Variants in MALRD1 observed in about 807,000 individuals in gnomAD.
MALRD1 encodes the protein MAM and LDL receptor class A domain containing 1.
In MALRD1, 247 loss-of-function variants were observed where a neutral mutation model predicts 242.1. That is an observed-to-expected ratio of 1.02 (90% confidence interval 0.92 to 1.13). The LOEUF is 1.13. Ranked by LOEUF, MALRD1 falls within the 50% of genes most tolerant of loss-of-function variation. The probability of loss-of-function intolerance (pLI) is 0.00; values close to 1 mark genes in which losing one functional copy is unlikely to be tolerated. For missense variants in MALRD1, 2,989 were observed against 2,533.1 expected (o/e 1.18, Z -3.86); for synonymous variants, 995 against 866.6 (o/e 1.15, Z -2.60).
At chr10:19,277,570 G>A (rs549902607) in intron 19 of MALRD1, among the ~76,000 whole-genome samples, 1 of 152,078 alleles carries the variant, frequency 6.6e-6, no homozygotes, top group African/African-American at 2.4e-5. Flanking sequence ...ATGAAATCTG[G>A]TCAACTCTCC....
At chr10:19,420,686 G>A (rs985726950) in intron 28 of MALRD1, among the ~76,000 whole-genome samples, 5 of 151,934 alleles carry the variant, frequency 3.3e-5, no homozygotes, top group Admixed American at 3.3e-4. Context: ...CCCTCTGCCT[G>A]GATCAGAGCT....
At chr10:19,656,272 C>T (rs1021435022) in intron 36 of MALRD1, among the ~76,000 whole-genome samples, 8 of 152,054 alleles carry the variant, frequency 5.3e-5, no homozygotes, top group African/African-American at 1.7e-4. Flanking sequence ...TTTATGCTAA[C>T]CACTTATAAA....
At chr10:19,165,479 A>G (rs1588638124) in intron 12 of MALRD1, among the ~76,000 whole-genome samples, 158 bp from the exon 13 acceptor site, 1 of 151,244 alleles carries the variant, frequency 6.6e-6, no homozygotes, top group South Asian at 2.1e-4. Context: ...ATTTTTTTGT[A>G]TTATTAGTAG....
chr10:19,407,240 C>T (rs1012072860), intron 28 of MALRD1, among the ~76,000 whole-genome samples: 2 of 152,120 alleles, frequency 1.3e-5, no homozygotes, highest in African/African-American at 4.8e-5. Context: ...GAAGCTGAGG[C>T]AGAAGGATTC....
In MALRD1 at chr10:19,731,497, T is replaced by TGG. The variant is rs1235271208; in HGVS notation, c.6390+717_6390+718insGG. Among the ~76,000 whole-genome samples, 3 of 151,082 alleles carry TGG rather than the reference T, an allele frequency of 2.0e-5. No homozygotes were observed. The East Asian group carries it at 5.8e-4, about 29-fold the overall frequency. ...ATCACCTCACATAGTTTACTTTGTG[T>TGG]GTGTGTGTGTGTGTGTGTGTGTGCT... is the stretch of plus-strand genomic sequence containing the variant. On this transcript the variant is annotated intron_variant, in intron 39 of 39. Transcript: ENST00000454679.
chr10:19,148,782 A>T (rs1258282188), intron 11 of MALRD1, among the ~76,000 whole-genome samples: 47 of 80,858 alleles, frequency 5.8e-4, no homozygotes, highest in African/African-American at 2.0e-3. Context: ...TTAAAAAAAA[A>T]AAAAAAATAT....
At chr10:19,155,210 G>C (rs772611655) in intron 12 of MALRD1, 38 bp downstream of exon 12, 23 of 1,149,570 alleles carry the variant, frequency 2.0e-5, no homozygotes, top group Non-Finnish European at 2.5e-5. Flanking sequence ...GCCATTCTGC[G>C]GTTGTAAATC....
chr10:19,514,990 T>C (rs1471941714), intron 31 of MALRD1, among the ~76,000 whole-genome samples: 1 of 152,130 alleles, frequency 6.6e-6, no homozygotes, highest in African/African-American at 2.4e-5. Context: ...ATCTGTCCAT[T>C]CCATCTACAA....
intron 32 of MALRD1, among the ~76,000 whole-genome samples, chr10:19,540,207 G>C (rs1351478951): frequency 6.6e-6 from 1 of 151,960 alleles, no homozygotes; most frequent in African/African-American, 2.4e-5. Flanking sequence ...CCTTCTTTAG[G>C]CTAGTGCAAG....
intron 4 of MALRD1, among the ~76,000 whole-genome samples, chr10:19,103,274 A>G (rs987380240): frequency 6.6e-6 from 1 of 152,040 alleles, no homozygotes; most frequent in African/African-American, 2.4e-5. Flanking sequence ...TAAGATTTAG[A>G]GAACCGGCCA....
chr10:19,504,092 A>G (rs1838092167), intron 31 of MALRD1, among the ~76,000 whole-genome samples: 1 of 152,252 alleles, frequency 6.6e-6, no homozygotes, highest in East Asian at 1.9e-4. Flanking sequence ...TTCAATAAAT[A>G]CAACTCAATT....
At chr10:19,623,968 A>C (rs1364869446) in intron 36 of MALRD1, among the ~76,000 whole-genome samples, 7 of 152,178 alleles carry the variant, frequency 4.6e-5, no homozygotes, top group Non-Finnish European at 1.0e-4. Flanking sequence ...TAAAAAAGCA[A>C]ATTAAAACAA....
intron 33 of MALRD1, among the ~76,000 whole-genome samples, chr10:19,590,295 ATATT>A (rs1329040648): frequency 1.2e-4 from 18 of 148,086 alleles, no homozygotes; most frequent in Non-Finnish European, 7.4e-5. Flanking sequence ...ATACATGTAT[ATATT>A]ATATATGTTA....
intron 18 of MALRD1, among the ~76,000 whole-genome samples, chr10:19,222,287 T>G (rs2484094): frequency 0.9 from 136,546 of 152,146 alleles, 61,534 homozygotes; most frequent in East Asian, 1. Context: ...TTGGTAGAAT[T>G]GAATGAGAAA....
chr10:19,652,208 G>A (rs1322425930), intron 36 of MALRD1, among the ~76,000 whole-genome samples: 2 of 152,304 alleles, frequency 1.3e-5, no homozygotes, highest in African/African-American at 4.8e-5. Context: ...CAAGTGTCAG[G>A]TGTGTCCAAT....
chr10:19,321,679 T>C (rs1842919833), intron 21 of MALRD1, among the ~76,000 whole-genome samples: 1 of 152,192 alleles, frequency 6.6e-6, no homozygotes, highest in African/African-American at 2.4e-5. Flanking sequence ...AGTAGATTAT[T>C]GTAAACTATA....
intron 35 of MALRD1, among the ~76,000 whole-genome samples, chr10:19,610,459 A>T (rs1838843461): frequency 6.6e-6 from 1 of 151,972 alleles, no homozygotes; most frequent in African/African-American, 2.4e-5. Flanking sequence ...ATTTTCCTGC[A>T]GTCCCTGTGC....
intron 28 of MALRD1, among the ~76,000 whole-genome samples, chr10:19,420,820 C>T (rs1429051858): frequency 6.6e-6 from 1 of 152,172 alleles, no homozygotes; most frequent in African/African-American, 2.4e-5. Flanking sequence ...CAGAGGCTCA[C>T]AGCCTCCCTC....
chr10:19,267,494 A>C (rs529028480), intron 19 of MALRD1, among the ~76,000 whole-genome samples: 1 of 151,950 alleles, frequency 6.6e-6, no homozygotes, highest in Admixed American at 6.6e-5. Flanking sequence ...CGTTAGCCTC[A>C]GTGTCTCACC....
Sources: allele counts gnomAD v4.1 joint callset (sites outside exome capture counted in the v4.1 genomes callset), GRCh38; gene constraint gnomAD v4.1.1; transcripts MANE v1.5; gene names NCBI Gene and HGNC (gene_info 2026-07-23, HGNC 2026-07-21).